ACO1: variants seen among roughly 807,000 people sequenced by gnomAD.
ACO1 encodes the protein cytoplasmic aconitate hydratase.
A neutral mutation model predicts 105.1 loss-of-function variants in ACO1; 78 were observed. The ratio of observed to expected loss-of-function variants is 0.74; its 90% confidence interval spans 0.62 to 0.90. The LOEUF (loss-of-function observed/expected upper bound fraction) is 0.90, where lower values mean the gene tolerates loss of function less well. Ranked by LOEUF, ACO1 falls within the 40% of genes least tolerant of loss-of-function variation. ACO1 has a pLI of 0.00. For missense variants in ACO1, 965 were observed against 1,111.1 expected (o/e 0.87, Z 1.87); for synonymous variants, 364 against 397.4 (o/e 0.92, Z 1.00).
intron 4 of ACO1, among the ~76,000 whole-genome samples, chr9:32,410,129 A>G (rs1157363252): frequency 1.3e-5 from 2 of 152,170 alleles, no homozygotes; most frequent in African/African-American, 4.8e-5. Context: ...ATTGGGAGTG[A>G]GTCTTTGGGT....
At chr9:32,423,196 G>C in intron 8 of ACO1, 123 bp from the exon 9 acceptor site, 2 of 542,518 alleles carry the variant, frequency 3.7e-6, no homozygotes, top group Non-Finnish European at 6.4e-6. Context: ...AGAGCTGTTG[G>C]TGTGTGTGTA....
intron 1 of ACO1, among the ~76,000 whole-genome samples, chr9:32,385,322 T>C (rs1821135703): frequency 6.6e-6 from 1 of 152,218 alleles, no homozygotes; most frequent in Non-Finnish European, 1.5e-5. Flanking sequence ...CATAATGGCA[T>C]CTTCCTTCTT....
intron 18 of ACO1, among the ~76,000 whole-genome samples, chr9:32,437,514 C>A (rs1587551139): frequency 6.6e-6 from 1 of 152,150 alleles, no homozygotes; most frequent in East Asian, 1.9e-4. Context: ...TGATGGAATA[C>A]CTTAGAGACC....
chr9:32,443,387 C>T (rs1162927472), intron 19 of ACO1, among the ~76,000 whole-genome samples: 1 of 152,038 alleles, frequency 6.6e-6, no homozygotes, highest in Non-Finnish European at 1.5e-5. Flanking sequence ...ATATAGCACA[C>T]AATTACTGGA....
chr9:32,394,659 T>G (rs893218132), intron 1 of ACO1, among the ~76,000 whole-genome samples: 1 of 152,176 alleles, frequency 6.6e-6, no homozygotes, highest in Non-Finnish European at 1.5e-5. Context: ...TCCAGTTCCC[T>G]CTCTCAGCAC....
chr9:32,425,203 G>T (rs1168871817), intron 10 of ACO1, among the ~76,000 whole-genome samples: 1 of 152,194 alleles, frequency 6.6e-6, no homozygotes, highest in Non-Finnish European at 1.5e-5. Flanking sequence ...GACTGTACGT[G>T]TGAGAATAGG....
At chr9:32,432,868 T>C (rs1822269966) in intron 15 of ACO1, among the ~76,000 whole-genome samples, 1 of 152,194 alleles carries the variant, frequency 6.6e-6, no homozygotes, top group Admixed American at 6.5e-5. Flanking sequence ...AGGGTTCCAG[T>C]AAGATGTCAT....
At chr9:32,432,936 A>C (rs1822271813) in intron 15 of ACO1, among the ~76,000 whole-genome samples, 1 of 152,130 alleles carries the variant, frequency 6.6e-6, no homozygotes, top group Non-Finnish European at 1.5e-5. Flanking sequence ...GGCTATTGGC[A>C]GGATCAAGTT....
chr9:32,453,125 T>C lies in ACO1; in HGVS notation c.*3014T>C, dbSNP rs923823572. The C allele has an allele frequency of 4.1e-5, 6 of 144,900 alleles. No homozygotes were observed. The highest frequency in any genetic ancestry group is 9.2e-5 in the Non-Finnish European group (6 of 65,076). The allele number at this position is 144,900 out of a possible 1,614,324, so 9.0% of individuals were successfully genotyped here. A position where few individuals can be genotyped will look rare whatever the true frequency, so the allele number is the denominator to read the frequency against. On this transcript the variant is annotated 3_prime_UTR_variant, in exon 21 of 21. Transcript: ENST00000309951. ...TTCTCCCTCCCATATTCTTTGCGAA[T>C]GAAGATTCCCCTGTTTGTTTGGATA...
chr9:32,399,594 G>A (rs1266260579), intron 1 of ACO1, among the ~76,000 whole-genome samples: 1 of 152,144 alleles, frequency 6.6e-6, no homozygotes, highest in Non-Finnish European at 1.5e-5. Flanking sequence ...ACCTACTAAC[G>A]ATGTGAGTAT....
intron 6 of ACO1, 84 bp from the exon 7 acceptor site, chr9:32,418,954 A>G: frequency 7.1e-7 from 1 of 1,413,886 alleles, no homozygotes; most frequent in Non-Finnish European, 9.4e-7. Context: ...TGGGTTTATT[A>G]CCTGTTAATG....
chr9:32,429,667 GTTAA>G (rs760337310), intron 13 of ACO1, among the ~76,000 whole-genome samples, 164 bp downstream of exon 13: 2 of 152,218 alleles, frequency 1.3e-5, no homozygotes, highest in Non-Finnish European at 2.9e-5. Flanking sequence ...CCTTGGGCAA[GTTAA>G]TTAACCTATC....
chr9:32,429,199 A>G (rs190976364), intron 12 of ACO1, among the ~76,000 whole-genome samples: 130 of 152,314 alleles, frequency 8.5e-4, no homozygotes, highest in African/African-American at 3.0e-3. Context: ...TGCTCATTCA[A>G]TTTGATTCCT....
intron 1 of ACO1, among the ~76,000 whole-genome samples, chr9:32,387,421 T>C (rs1033805781): frequency 1.3e-5 from 2 of 152,208 alleles, no homozygotes; most frequent in African/African-American, 4.8e-5. Flanking sequence ...CCATGGAAAT[T>C]GGCAAATGCT....
Position 32,453,394 on chromosome 9 carries a change from CAGT to C in ACO1, c.*3284_*3286del, listed in dbSNP as rs1822811441. On this transcript the variant is annotated 3_prime_UTR_variant, in exon 21 of 21. Transcript: ENST00000309951. ...AAAGCTGGCTCATAGAACTTGAGGA[CAGT>C]GGTGGCCATGACTATGGGCTTGATT... The C allele has an allele frequency of 1.3e-5, 2 of 149,502 alleles. No homozygotes were observed. The highest frequency in any genetic ancestry group is 4.9e-5 in the African/African-American group (2 of 40,686). The allele number at this position is 149,502 out of a possible 1,614,324, so 9.3% of individuals were successfully genotyped here.
At chr9:32,449,894 C>G (rs2118592043) in intron 20 of ACO1, 104 bp from the exon 21 acceptor site, 1 of 802,846 alleles carries the variant, frequency 1.2e-6, no homozygotes, top group South Asian at 1.6e-5. Flanking sequence ...GCTGGTGTTA[C>G]TGAAGTGTGG....
intron 1 of ACO1, among the ~76,000 whole-genome samples, chr9:32,402,284 G>C (rs1410380152): frequency 6.6e-6 from 1 of 151,690 alleles, no homozygotes; most frequent in African/African-American, 2.4e-5. Flanking sequence ...ACCCCAAATA[G>C]TGTGATATAT....
intron 1 of ACO1, among the ~76,000 whole-genome samples, chr9:32,388,504 G>A (rs1283599253): frequency 6.6e-6 from 1 of 152,062 alleles, no homozygotes; most frequent in Non-Finnish European, 1.5e-5. Context: ...ACTCCAGCCT[G>A]GGCAATAGAG....
intron 1 of ACO1, among the ~76,000 whole-genome samples, chr9:32,395,279 C>T (rs1376763816): frequency 2.6e-5 from 4 of 152,094 alleles, no homozygotes; most frequent in African/African-American, 9.7e-5. Flanking sequence ...AGTTTGAGAC[C>T]AGCCTGGCCA....
Sources: gnomAD v4.1 joint callset for allele counts (sites outside exome capture counted in the v4.1 genomes callset) on GRCh38, gnomAD v4.1.1 for gene constraint, MANE v1.5 for transcripts, NCBI Gene and HGNC (gene_info 2026-07-23, HGNC 2026-07-21) for gene names.